The following BIRC6 variants were observed in gnomAD, a reference collection of about 807,000 sequenced individuals.
BIRC6 encodes baculoviral IAP repeat containing 6.
BIRC6 carries 98 observed loss-of-function variants against 503.3 expected under a neutral mutation model. The ratio of observed to expected loss-of-function variants is 0.19; its 90% CI spans 0.17 to 0.23. The LOEUF is 0.23. BIRC6 is among the 10% of genes least tolerant of loss of function. BIRC6 has a pLI of 1.00. For missense variants in BIRC6, 5,360 were observed against 5,806.0 expected (o/e 0.92, Z 2.50); for synonymous variants, 2,240 against 2,078.7 (o/e 1.08, Z -2.11).
intron 65 of BIRC6, among the ~76,000 whole-genome samples, chr2:32,568,123 A>G (rs1238609560): frequency 1.3e-5 from 2 of 152,012 alleles, no homozygotes; most frequent in African/African-American, 4.8e-5. Flanking sequence ...AAAAACAAAC[A>G]AACAAGAATG....
In BIRC6 at chr2:32,433,675, G is replaced by T; in HGVS notation, c.3280G>T (p.Val1094Leu). The change falls in exon 13 of 74, where the codon GTA becomes TTA. Residue 1094 changes from valine to leucine, a missense_variant. Val to Leu is a conservative substitution (Grantham distance 32). Coordinates refer to ENST00000421745, the MANE Select transcript of BIRC6 (RefSeq NM_016252.4). ...CTGGGATGAACATGTATTTGAATTAGTACTACCTAAAGCTTGTATGGTTGG... is the reference window on the plus strand; with the variant it reads ...CTGGGATGAACATGTATTTGAATTATTACTACCTAAAGCTTGTATGGTTGG... ...NSWDEHVFEL[V>L]LPKACMVGHV... The T allele has an allele frequency of 6.3e-7, 1 of 1,592,064 alleles. No individual in the cohort carries two copies. Among genetic ancestry groups the T allele is most frequent in the Non-Finnish European group, 8.6e-7 (1 of 1,164,504 alleles).
In BIRC6 at chr2:32,532,110, G is replaced by T. The variant is rs376447548; in HGVS notation, c.12291+559G>T. 2.4e-5 allele frequency: 12 copies of T among 501,630 alleles called. No homozygotes were observed. In the African/African-American group the frequency reaches 2.6e-4, roughly 11 times the overall value. The allele number at this position is 501,630 out of a possible 1,614,324, so 31.1% of individuals were successfully genotyped here. On this transcript the variant is annotated intron_variant, in intron 61 of 73. Coordinates refer to ENST00000421745, the MANE Select transcript of BIRC6 (RefSeq NM_016252.4). The stretch of plus-strand genomic sequence containing the variant: ...TTTGTGTTTGTTGAATGAAGTAGGG[G>T]AATTATTCTCTTTGATTTCATGTCG...
At chr2:32,366,896 C>T (rs1422273331) in intron 1 of BIRC6, among the ~76,000 whole-genome samples, 2 of 151,954 alleles carry the variant, frequency 1.3e-5, no homozygotes, top group African/African-American at 4.8e-5. Flanking sequence ...GCAGGAGTAT[C>T]ACTTGAGTCC....
At position 32,409,683 on chromosome 2, in the gene BIRC6, G is replaced by A. The variant is rs577476892; in HGVS notation, c.1477+3126G>A. ...TCAAATTGAAATTTGAGTTTTAAAA[G>A]AGTGCCTAGATAAAACCTAATTGCT... On this transcript the variant is annotated intron_variant, in intron 9 of 73. Transcript: ENST00000421745. 3.1e-3 allele frequency among the ~76,000 whole-genome samples: 474 copies of A among 152,300 alleles called. 3 individuals carry two copies. The highest frequency in any genetic ancestry group is 5.3e-3 in the Non-Finnish European group (358 of 68,034).
chr2:32,480,621 C>CTTTTTTTTTTTTTTTTTTTTTT (rs560251664), intron 37 of BIRC6, among the ~76,000 whole-genome samples: 13 of 60,742 alleles, frequency 2.1e-4, no homozygotes, highest in East Asian at 2.5e-3. Flanking sequence ...AGGTAAATGG[C>CTTTTTTTTTTTTTTTTTTTTTT]TTTTTTTTTT....
At position 32,464,510 on chromosome 2, in the gene BIRC6, A is replaced by G; in HGVS notation, c.4943A>G (p.Lys1648Arg). 1 of 1,560,128 alleles carries G rather than the reference A, an allele frequency of 6.4e-7. No individual in the cohort carries two copies. Among genetic ancestry groups the G allele is most frequent in the Non-Finnish European group, 8.7e-7 (1 of 1,151,158 alleles). The change falls in exon 25 of 74, where the codon AAA becomes AGA. Residue 1648 changes from lysine (K) to arginine (R), a missense_variant and splice_region_variant. By Grantham distance (26) the Lys-to-Arg change is conservative. Transcript: ENST00000421745. ...ATGTTGCTTTTACTTCTTTTGCAGA[A>G]AGCAAAGCTGGAAGCCAAGTTACAT... ...QQQLLKLQQQ[K>R]AKLEAKLHQT... is the part of the protein sequence containing the mutation.
Position 32,566,411 on chromosome 2 carries a change from G to T in BIRC6, c.13145-8745G>T, listed in dbSNP as rs538235445. ...ATCTTGCCCAGGCTTGGAGTACAGT[G>T]GTGTGATTATGGCTCACTGCAGCCT... On this transcript the variant is annotated intron_variant, in intron 65 of 73. Coordinates refer to ENST00000421745, the MANE Select transcript of BIRC6 (RefSeq NM_016252.4). 2.0e-5 allele frequency: 3 copies of T among 152,270 alleles called. No individual in the cohort carries two copies. In the East Asian group the frequency reaches 5.8e-4, roughly 29 times the overall value. The allele number at this position is 152,270 out of a possible 1,614,324, so 9.4% of individuals were successfully genotyped here.
chr2:32,598,022 TACTC>T, intron 69 of BIRC6, 54 bp downstream of exon 69: 1 of 1,407,138 alleles, frequency 7.1e-7, no homozygotes, highest in Non-Finnish European at 9.7e-7. Context: ...CTCATCTAAT[TACTC>T]AAATTTTTAT....
intron 9 of BIRC6, among the ~76,000 whole-genome samples, chr2:32,409,563 G>T (rs1040086682): frequency 4.6e-5 from 7 of 152,156 alleles, no homozygotes; most frequent in African/African-American, 1.7e-4. Context: ...ACTGCATAGG[G>T]AAAAGTTTGG....
chr2:32,513,451 T>G (rs186323217), intron 54 of BIRC6, among the ~76,000 whole-genome samples: 256 of 152,310 alleles, frequency 1.7e-3, no homozygotes, highest in Non-Finnish European at 2.4e-3. Context: ...AGATTATCTT[T>G]AATGTACAAC....
intron 8 of BIRC6, 128 bp downstream of exon 8, chr2:32,401,751 G>A (rs1017412452): frequency 1.3e-6 from 1 of 778,818 alleles, no homozygotes; most frequent in South Asian, 2.9e-5. Context: ...GAGAGTAAAT[G>A]TTTGGTTAGA....
chr2:32,486,904 G>T (rs964780343), intron 40 of BIRC6, among the ~76,000 whole-genome samples: 2 of 151,960 alleles, frequency 1.3e-5, no homozygotes, highest in Non-Finnish European at 2.9e-5. Context: ...GTGTCTGCAT[G>T]ATTAGAGATA....
At position 32,375,701 on chromosome 2, in the gene BIRC6, A is replaced by T. The variant is rs562529280; in HGVS notation, c.326-1887A>T. Reference sequence around the variant, plus strand: ...CAGATGACATACATTTACCGTATTGATAAGTGCAATATAGTGCCGTAAATG... The same window carrying T: ...CAGATGACATACATTTACCGTATTGTTAAGTGCAATATAGTGCCGTAAATG... On this transcript the variant is annotated intron_variant, in intron 1 of 73. Transcript: ENST00000421745. Among the ~76,000 whole-genome samples, 20 of 151,504 alleles carry T rather than the reference A, an allele frequency of 1.3e-4. No homozygotes were observed. In the South Asian group the frequency reaches 4.2e-3, roughly 32 times the overall value.
Position 32,499,891 on chromosome 2 carries a change from G to A in BIRC6, c.8813G>A (p.Arg2938Lys), listed in dbSNP as rs763971907. ...ILVQLPLSGN[R>K]EYSARVSVTT... ...GTGCAGCTGCCTCTTTCAGGCAATA[G>A]GGAATACAGTGCAAGAGTGTCTGTG... The change falls in exon 46 of 74, where the codon AGG (arginine) becomes AAG (lysine). Residue 2938 changes from arginine (R) to lysine (K), a missense_variant. Arg to Lys is a conservative substitution (Grantham distance 26). Around this residue, in one of 16 missense-constraint regions of BIRC6, gnomAD observed 2,299 missense variants for 2,267.2 expected, o/e 1.01. Transcript: ENST00000421745. 1.9e-6 allele frequency: 3 copies of A among 1,614,000 alleles called. No individual in the cohort carries two copies. The highest frequency in any genetic ancestry group is 2.2e-5 in the South Asian group (2 of 91,092).
rs76972561 is a variant in BIRC6, at chr2:32,539,155, A to G, written c.12292-4086A>G. Among the ~76,000 whole-genome samples the G allele has an allele frequency of 6.7e-3, 1,014 of 152,370 alleles. 10 individuals are homozygous for G. The highest frequency in any genetic ancestry group is 0.017 in the Middle Eastern group (5 of 294). On this transcript the variant is annotated intron_variant, in intron 61 of 73. Coordinates refer to ENST00000421745, the MANE Select transcript of BIRC6 (RefSeq NM_016252.4). ...ATCACTATGAAAGTATTAATTCAGA[A>G]TAAGTCATAACAATCCTAAATTTGT...
chr2:32,442,748 C>T (rs1247891707), intron 19 of BIRC6, among the ~76,000 whole-genome samples: 2 of 152,206 alleles, frequency 1.3e-5, no homozygotes, highest in East Asian at 1.9e-4. Flanking sequence ...CTTTTCACTC[C>T]TACTTTCCTT....
At chr2:32,446,738 G>GTTTTTTTTT (rs58232090) in intron 21 of BIRC6, among the ~76,000 whole-genome samples, 24 of 34,858 alleles carry the variant, frequency 6.9e-4, no homozygotes, top group South Asian at 2.4e-3. Flanking sequence ...CCTCTGCGCT[G>GTTTTTTTTT]TTTTTTTTTT....
intron 1 of BIRC6, among the ~76,000 whole-genome samples, chr2:32,358,939 T>C (rs1259085195): frequency 6.6e-6 from 1 of 152,222 alleles, no homozygotes; most frequent in African/African-American, 2.4e-5. Flanking sequence ...GAGATGCTCA[T>C]TGGTAATTGG....
chr2:32,389,002 A>C, intron 4 of BIRC6, 59 bp downstream of exon 4: 2 of 1,084,116 alleles, frequency 1.8e-6, no homozygotes, highest in Non-Finnish European at 2.4e-6. Flanking sequence ...TTTGCATTAA[A>C]CAAGGAATAA....
Sources: allele counts gnomAD v4.1 joint callset (sites outside exome capture counted in the v4.1 genomes callset), GRCh38; gene constraint gnomAD v4.1.1; regional missense constraint gnomAD v4.1.1; transcripts MANE v1.5; gene names NCBI Gene and HGNC (gene_info 2026-07-23, HGNC 2026-07-21).